FBXL17: variants seen among roughly 807,000 people sequenced by gnomAD.
The protein encoded by FBXL17 is F-box and leucine rich repeat protein 17.
A neutral mutation model predicts 66.2 loss-of-function variants in FBXL17; 22 were observed. The observed-to-expected ratio is 0.33, with a 90% confidence interval of 0.24 to 0.47. FBXL17 has a LOEUF of 0.47. Ranked by LOEUF, FBXL17 falls within the 20% of genes least tolerant of loss-of-function variation. The pLI, the probability that FBXL17 is intolerant of heterozygous loss-of-function variation, is 1.00. For missense variants in FBXL17, 878 were observed against 948.2 expected, an observed-to-expected ratio of 0.93 and a Z score of 0.97; for synonymous variants, 474 against 400.5, an observed-to-expected ratio of 1.18 and a Z score of -2.19.
At chr5:108,362,045 G>A (rs1012537733) in intron 3 of FBXL17, among the ~76,000 whole-genome samples, 3 of 152,172 alleles carry the variant, frequency 2.0e-5, no homozygotes, top group Admixed American at 6.5e-5. Context: ...AACCTTTGAC[G>A]TTTCCAGAGT....
At chr5:108,105,295 G>C (rs1163354023) in intron 6 of FBXL17, among the ~76,000 whole-genome samples, 1 of 152,226 alleles carries the variant, frequency 6.6e-6, no homozygotes, top group Non-Finnish European at 1.5e-5. Flanking sequence ...GGCCAGGCCA[G>C]TGGCACAAAG....
intron 4 of FBXL17, among the ~76,000 whole-genome samples, chr5:108,311,210 T>C (rs962236528): frequency 3.3e-5 from 5 of 152,040 alleles, no homozygotes; most frequent in Non-Finnish European, 7.4e-5. Context: ...TCGCCGTTGT[T>C]ACCCCGGCTA....
chr5:108,381,486 C>T lies in FBXL17; in HGVS notation c.206G>A (p.Gly69Asp), dbSNP rs1030338911. The T allele has an allele frequency of 7.4e-7, 1 of 1,350,730 alleles. No homozygotes were observed. The highest frequency in any genetic ancestry group is 9.4e-7 in the Non-Finnish European group (1 of 1,059,372). 83.7% of individuals were successfully genotyped at this position (1,350,730 alleles called of 1,614,324 possible). The change falls in exon 1 of 9, where the codon GGC becomes GAC. Residue 69 changes from glycine (G) to aspartate (D), a missense_variant. This residue lies in a region of FBXL17 where 605 missense variants were observed against 509.5 expected (regional missense o/e 1.19). Transcript: ENST00000542267. ...CTCTGGGCCGGCGGGGGCGGGCGCG[C>T]CGGGACTGTGCACGATGAAGCAGAG... ...CMLCFIVHSPGAPAPAGPEEE... is the reference protein window; with the variant it reads ...CMLCFIVHSPDAPAPAGPEEE...
At chr5:108,325,886 C>T (rs529130437) in intron 4 of FBXL17, among the ~76,000 whole-genome samples, 1 of 152,248 alleles carries the variant, frequency 6.6e-6, no homozygotes, top group South Asian at 2.1e-4. Context: ...TAAGCAATAG[C>T]TAACATTTTC....
intron 8 of FBXL17, among the ~76,000 whole-genome samples, chr5:107,862,250 G>A (rs1748144068): frequency 2.0e-5 from 3 of 151,782 alleles, no homozygotes; most frequent in African/African-American, 7.3e-5. Flanking sequence ...GACAAAAATT[G>A]TGGAATGCCG....
At chr5:108,312,749 G>A (rs1235658448) in intron 4 of FBXL17, among the ~76,000 whole-genome samples, 1 of 151,970 alleles carries the variant, frequency 6.6e-6, no homozygotes, top group Non-Finnish European at 1.5e-5. Context: ...TGTCCATAGG[G>A]CCAATTTAGT....
intron 1 of FBXL17, among the ~76,000 whole-genome samples, chr5:108,368,301 G>C (rs1289055951): frequency 6.6e-6 from 1 of 151,846 alleles, no homozygotes; most frequent in East Asian, 1.9e-4. Flanking sequence ...TCTGGGAAGG[G>C]AAAAAAGACT....
chr5:108,227,710 T>C (rs1755157974), intron 4 of FBXL17, among the ~76,000 whole-genome samples: 1 of 152,242 alleles, frequency 6.6e-6, no homozygotes, highest in Non-Finnish European at 1.5e-5. Flanking sequence ...GTACATGTGA[T>C]AAAAGATTAA....
chr5:108,334,416 T>C (rs866008241), intron 4 of FBXL17, among the ~76,000 whole-genome samples: 9 of 152,192 alleles, frequency 5.9e-5, no homozygotes, highest in African/African-American at 2.2e-4. Flanking sequence ...TTCCCCCTCA[T>C]AGACCCTACC....
chr5:108,220,762 A>T (rs1754829099), intron 5 of FBXL17, among the ~76,000 whole-genome samples: 1 of 152,188 alleles, frequency 6.6e-6, no homozygotes. Flanking sequence ...CAGGTCCCAC[A>T]GTCTAAACAC....
chr5:107,995,206 T>C (rs1243606012), intron 7 of FBXL17, among the ~76,000 whole-genome samples: 2 of 152,232 alleles, frequency 1.3e-5, no homozygotes, highest in East Asian at 3.8e-4. Context: ...CCTACACCAT[T>C]CTGCTATTTC....
At chr5:108,199,592 C>G (rs959297733) in intron 5 of FBXL17, among the ~76,000 whole-genome samples, 1 of 152,106 alleles carries the variant, frequency 6.6e-6, no homozygotes, top group African/African-American at 2.4e-5. Flanking sequence ...TTTCTGGATT[C>G]AGGATGGCAG....
intron 6 of FBXL17, among the ~76,000 whole-genome samples, chr5:108,151,318 C>T (rs1384543707): frequency 6.6e-6 from 1 of 152,120 alleles, no homozygotes; most frequent in East Asian, 1.9e-4. Flanking sequence ...CACATTTGAG[C>T]CTATCAGACT....
At chr5:107,871,079 A>AAACAAAAAAAAAAC (rs1748440848) in intron 8 of FBXL17, among the ~76,000 whole-genome samples, 1 of 149,302 alleles carries the variant, frequency 6.7e-6, no homozygotes, top group African/African-American at 2.5e-5. Flanking sequence ...AAAAAAAAAA[A>AAACAAAAAAAAAAC]CCTCATCTAA....
intron 6 of FBXL17, among the ~76,000 whole-genome samples, chr5:108,111,877 T>A (rs759160035): frequency 5.3e-5 from 8 of 152,188 alleles, no homozygotes; most frequent in Non-Finnish European, 1.2e-4. Context: ...ACCCAGTATA[T>A]AGATCATGTT....
At chr5:107,862,214 C>T (rs1748142564) in intron 8 of FBXL17, among the ~76,000 whole-genome samples, 1 of 151,964 alleles carries the variant, frequency 6.6e-6, no homozygotes, top group South Asian at 2.1e-4. Flanking sequence ...CATTTGACTT[C>T]ATCATCAACC....
At chr5:108,099,183 T>TA (rs1276013177) in intron 6 of FBXL17, among the ~76,000 whole-genome samples, 1 of 151,886 alleles carries the variant, frequency 6.6e-6, no homozygotes, top group East Asian at 1.9e-4. Flanking sequence ...ACATTTTTTT[T>TA]AAAAACCTGA....
At chr5:108,259,257 A>C (rs529710643) in intron 4 of FBXL17, among the ~76,000 whole-genome samples, 1 of 152,318 alleles carries the variant, frequency 6.6e-6, no homozygotes, top group East Asian at 1.9e-4. Context: ...ATCCATAAAA[A>C]ATGTCTATCG....
intron 7 of FBXL17, among the ~76,000 whole-genome samples, chr5:107,902,242 AC>A (rs1254657572): frequency 6.6e-6 from 1 of 152,136 alleles, no homozygotes; most frequent in Admixed American, 6.6e-5. Context: ...TTAGCTGGAT[AC>A]TTTGAGAAAT....
Sources: allele counts gnomAD v4.1 joint callset (sites outside exome capture counted in the v4.1 genomes callset), GRCh38; gene constraint gnomAD v4.1.1; regional missense constraint gnomAD v4.1.1; transcripts MANE v1.5; gene names NCBI Gene and HGNC (gene_info 2026-07-23, HGNC 2026-07-21).